Variants in CALCRL observed in about 807,000 individuals in gnomAD.
CALCRL encodes calcitonin receptor like receptor, also known as calcitonin gene-related peptide type 1 receptor.
Under a neutral mutation model 60.4 loss-of-function variants are expected in CALCRL, and 27 were observed. The ratio of observed to expected loss-of-function variants is 0.45; its 90% CI spans 0.33 to 0.62. CALCRL has a LOEUF of 0.62. Among genes scored for constraint, CALCRL ranks in the 20% least tolerant of loss-of-function variants. The probability of loss-of-function intolerance (pLI) is 0.03; values close to 1 mark genes in which losing one functional copy is unlikely to be tolerated. For synonymous variants in CALCRL, 190 were observed against 182.6 expected (o/e 1.04, Z -0.33); for missense variants, 424 against 540.7 (o/e 0.78, Z 2.14).
intron 12 of CALCRL, among the ~76,000 whole-genome samples, chr2:187,354,484 T>A (rs1164916707): frequency 6.6e-6 from 1 of 151,932 alleles, no homozygotes; most frequent in Non-Finnish European, 1.5e-5. Context: ...GAAGTCTGAG[T>A]GGAATGACTT....
At chr2:187,355,436 T>G (rs1686727527) in intron 12 of CALCRL, among the ~76,000 whole-genome samples, 1 of 152,142 alleles carries the variant, frequency 6.6e-6, no homozygotes, top group African/African-American at 2.4e-5. Flanking sequence ...CAAAAAATGT[T>G]ATGAAAGTCA....
intron 1 of CALCRL, among the ~76,000 whole-genome samples, chr2:187,404,207 C>T (rs988120578): frequency 5.3e-5 from 8 of 151,816 alleles, no homozygotes; most frequent in Non-Finnish European, 8.8e-5. Flanking sequence ...ACCTTAACAA[C>T]AACAGCGAAA....
intron 1 of CALCRL, among the ~76,000 whole-genome samples, chr2:187,408,298 A>G (rs1330539998): frequency 4.6e-5 from 7 of 151,956 alleles, no homozygotes; most frequent in Admixed American, 3.9e-4. Context: ...ACATTTTTGG[A>G]TTTTGTTTTC....
intron 1 of CALCRL, among the ~76,000 whole-genome samples, chr2:187,413,353 TA>T (rs1374872219): frequency 1.3e-5 from 2 of 152,216 alleles, no homozygotes; most frequent in African/African-American, 2.4e-5. Flanking sequence ...TATATAATTA[TA>T]TGTGATAATT....
intron 14 of CALCRL, among the ~76,000 whole-genome samples, chr2:187,348,973 G>C (rs1225903649): frequency 3.3e-5 from 5 of 151,600 alleles, no homozygotes; most frequent in Admixed American, 6.6e-5. Context: ...TGTTTAGAAT[G>C]TAACATTACA....
intron 1 of CALCRL, among the ~76,000 whole-genome samples, chr2:187,400,264 C>T (rs1399613822): frequency 6.6e-6 from 1 of 151,100 alleles, no homozygotes; most frequent in Non-Finnish European, 1.5e-5. Flanking sequence ...AACAAATACT[C>T]AATAAGCTCA....
intron 1 of CALCRL, among the ~76,000 whole-genome samples, chr2:187,446,194 A>G (rs1195497216): frequency 6.6e-6 from 1 of 151,744 alleles, no homozygotes; most frequent in East Asian, 1.9e-4. Context: ...TGCTACAAGG[A>G]AACATCTTCT....
intron 14 of CALCRL, 78 bp from the exon 15 acceptor site, chr2:187,346,477 T>A: frequency 1.0e-6 from 1 of 959,636 alleles, no homozygotes; most frequent in Non-Finnish European, 1.6e-6. Flanking sequence ...GAAGCACAAT[T>A]AAATAGGTCT....
intron 1 of CALCRL, among the ~76,000 whole-genome samples, chr2:187,395,757 G>A (rs892797860): frequency 6.6e-5 from 10 of 151,850 alleles, no homozygotes; most frequent in African/African-American, 2.2e-4. Context: ...AGGTTCTAGC[G>A]AGGGATGATT....
chr2:187,435,171 C>T (rs1201425880), intron 1 of CALCRL, among the ~76,000 whole-genome samples: 1 of 152,140 alleles, frequency 6.6e-6, no homozygotes, highest in Non-Finnish European at 1.5e-5. Flanking sequence ...TGAATTGGCT[C>T]ACGGTTCTGC....
intron 1 of CALCRL, among the ~76,000 whole-genome samples, chr2:187,393,377 T>G (rs1688528867): frequency 6.6e-6 from 1 of 152,160 alleles, no homozygotes. Flanking sequence ...TATTTCACTG[T>G]TTCTAGTTAC....
At position 187,380,774 on chromosome 2, in the gene CALCRL, G is replaced by A. The variant is rs1405283479; in HGVS notation, c.198C>T (p.Asn66=). The change falls in exon 6 of 15, where the codon AAC becomes AAT. Residue 66 remains asparagine (N), a synonymous_variant. Coordinates refer to ENST00000392370, the MANE Select transcript of CALCRL (RefSeq NM_005795.6). ...PIQQAEGVYC[N]RTWDGWLCWN... ...AGCAGAGCCATCCATCCCAGGTTCT[G>A]TTGCAGTAAACGCCTTAGTGGGGAA... 8.1e-6 allele frequency: 13 copies of A among 1,613,714 alleles called. No individual in the cohort carries two copies. The highest frequency in any genetic ancestry group is 1.1e-5 in the Non-Finnish European group (13 of 1,179,710).
intron 9 of CALCRL, among the ~76,000 whole-genome samples, chr2:187,361,406 G>C (rs997134105): frequency 1.3e-5 from 2 of 152,016 alleles, no homozygotes; most frequent in South Asian, 4.2e-4. Flanking sequence ...ACACAAAAGA[G>C]TAAGAGTGAG....
chr2:187,387,055 G>A (rs1047638152), intron 3 of CALCRL, among the ~76,000 whole-genome samples: 2 of 152,046 alleles, frequency 1.3e-5, no homozygotes, highest in African/African-American at 2.4e-5. Context: ...GCATGAAAAC[G>A]GACTAATACA....
At chr2:187,406,287 G>A (rs1689122620) in intron 1 of CALCRL, among the ~76,000 whole-genome samples, 1 of 151,410 alleles carries the variant, frequency 6.6e-6, no homozygotes, top group South Asian at 2.1e-4. Flanking sequence ...TAATTTCTTG[G>A]CTGTAATATT....
At chr2:187,442,751 G>A (rs1160266372) in intron 1 of CALCRL, among the ~76,000 whole-genome samples, 2 of 151,856 alleles carry the variant, frequency 1.3e-5, no homozygotes, top group African/African-American at 2.4e-5. Flanking sequence ...CTCTACTGTA[G>A]TATAGTCACA....
At chr2:187,423,028 AT>A (rs1254843521) in intron 1 of CALCRL, among the ~76,000 whole-genome samples, 11 of 152,204 alleles carry the variant, frequency 7.2e-5, no homozygotes, top group African/African-American at 2.4e-4. Flanking sequence ...GAGAAAAGGA[AT>A]TACAATTCAC....
At chr2:187,362,387 A>G (rs1466043958) in intron 9 of CALCRL, among the ~76,000 whole-genome samples, 1 of 152,052 alleles carries the variant, frequency 6.6e-6, no homozygotes, top group Non-Finnish European at 1.5e-5. Context: ...AGAGTGGAAC[A>G]TATACAAGAT....
At chr2:187,437,541 C>A (rs1023439804) in intron 1 of CALCRL, among the ~76,000 whole-genome samples, 2 of 152,040 alleles carry the variant, frequency 1.3e-5, no homozygotes, top group African/African-American at 2.4e-5. Flanking sequence ...GTAAAGACAG[C>A]CCTATTTTTT....
Sources: allele counts gnomAD v4.1 joint callset (sites outside exome capture counted in the v4.1 genomes callset), GRCh38; gene constraint gnomAD v4.1.1; transcripts MANE v1.5; gene names NCBI Gene and HGNC (gene_info 2026-07-23, HGNC 2026-07-21).